Variants in DAPK1 observed in about 807,000 individuals in gnomAD.
The protein encoded by DAPK1 is death-associated protein kinase 1.
Under a neutral mutation model 144.9 loss-of-function variants are expected in DAPK1, and 56 were observed. The ratio of observed to expected loss-of-function variants is 0.39; its 90% CI spans 0.31 to 0.48. DAPK1 has a LOEUF of 0.48. Among genes scored for constraint, DAPK1 ranks in the 20% least tolerant of loss-of-function variants. The probability of loss-of-function intolerance (pLI) is 0.95; values close to 1 mark genes in which losing one functional copy is unlikely to be tolerated. For synonymous variants in DAPK1, 690 were observed against 749.0 expected (o/e 0.92, Z 1.29); for missense variants, 1,454 against 1,875.4 (o/e 0.78, Z 4.15).
chr9:87,522,762 G>C (rs1305291685), intron 2 of DAPK1, among the ~76,000 whole-genome samples: 1 of 152,234 alleles, frequency 6.6e-6, no homozygotes, highest in Non-Finnish European at 1.5e-5. Flanking sequence ...ACAAGAGAAA[G>C]CTGGCTGGCT....
chr9:87,534,076 C>T (rs1241070102), intron 2 of DAPK1, among the ~76,000 whole-genome samples: 1 of 150,340 alleles, frequency 6.7e-6, no homozygotes, highest in African/African-American at 2.5e-5. Context: ...GACTGTGATC[C>T]TGTGGGAATT....
chr9:87,651,456 A>T, intron 16 of DAPK1, 71 bp from the exon 17 acceptor site: 2 of 1,470,322 alleles, frequency 1.4e-6, no homozygotes, highest in Non-Finnish European at 1.9e-6. Flanking sequence ...CGATGGCGGC[A>T]GAAAAGGTGA....
At chr9:87,602,822 C>G (rs545878255) in intron 2 of DAPK1, among the ~76,000 whole-genome samples, 2 of 151,830 alleles carry the variant, frequency 1.3e-5, no homozygotes, top group Non-Finnish European at 2.9e-5. Context: ...TTAGTAGAGA[C>G]GGGGTTTCAC....
At chr9:87,536,781 ATTC>A (rs753618298) in intron 2 of DAPK1, among the ~76,000 whole-genome samples, 1 of 152,152 alleles carries the variant, frequency 6.6e-6, no homozygotes, top group Non-Finnish European at 1.5e-5. Flanking sequence ...AGAATATTTT[ATTC>A]TTATTTAAAT....
chr9:87,697,089 C>A lies in DAPK1; in HGVS notation c.2496C>A (p.Pro832=), dbSNP rs1396224055. ...CCYDYFAAND[P]TSIHVVVFSL... ...ATGACTATTTTGCTGCAAATGATCC[C>A]ACGTCAATCCATGTTGTTGTCTTTA... Residue 832 remains proline, a synonymous_variant, in exon 22 of 26, where the codon CCC becomes CCA. Coordinates refer to ENST00000408954, the MANE Select transcript of DAPK1 (RefSeq NM_004938.4). 3 of 1,556,884 alleles carry A rather than the reference C, an allele frequency of 1.9e-6. No individual in the cohort carries two copies. The highest frequency in any genetic ancestry group is 3.3e-5 in the Admixed American group (2 of 59,916).
At chr9:87,598,968 C>T (rs949496203) in intron 2 of DAPK1, among the ~76,000 whole-genome samples, 42 of 152,184 alleles carry the variant, frequency 2.8e-4, no homozygotes, top group African/African-American at 1.0e-3. Context: ...AATTAGAACA[C>T]CTTGTGAGTC....
At chr9:87,659,583 G>T (rs185761782) in intron 18 of DAPK1, among the ~76,000 whole-genome samples, 48 of 152,316 alleles carry the variant, frequency 3.2e-4, no homozygotes, top group Non-Finnish European at 5.6e-4. Context: ...TGAAATGTGC[G>T]GCCCCCTCTG....
chr9:87,604,785 T>G (rs533399325), intron 2 of DAPK1, among the ~76,000 whole-genome samples, 169 bp from the exon 3 acceptor site: 2 of 152,326 alleles, frequency 1.3e-5, no homozygotes, highest in East Asian at 3.9e-4. Flanking sequence ...AGAAACAGGC[T>G]TAGTGTAAAT....
chr9:87,622,231 G>T (rs1282232718), intron 3 of DAPK1, among the ~76,000 whole-genome samples: 1 of 152,018 alleles, frequency 6.6e-6, no homozygotes, highest in African/African-American at 2.4e-5. Flanking sequence ...AAACAAAAAT[G>T]CAAGCAGAGA....
At chr9:87,602,578 G>T (rs1828562055) in intron 2 of DAPK1, among the ~76,000 whole-genome samples, 2 of 152,000 alleles carry the variant, frequency 1.3e-5, no homozygotes. Context: ...TTGTATCTAG[G>T]CTTGCATTGA....
chr9:87,661,213 C>A (rs572963293), intron 18 of DAPK1, among the ~76,000 whole-genome samples: 2 of 152,208 alleles, frequency 1.3e-5, no homozygotes, highest in African/African-American at 2.4e-5. Flanking sequence ...AGTCCTCTGT[C>A]GGTGGACACT....
chr9:87,623,158 G>A (rs1829364949), intron 3 of DAPK1, among the ~76,000 whole-genome samples: 1 of 152,130 alleles, frequency 6.6e-6, no homozygotes, highest in South Asian at 2.1e-4. Context: ...GAGTAAAGTG[G>A]TCTGGCCCCA....
At position 87,658,091 on chromosome 9, in the gene DAPK1, C is replaced by T; in HGVS notation, c.1887C>T (p.Leu629=). ...NNGILDVVRY[L]CLMGASVEAL... ...GAATCCTAGACGTGGTCCGGTATCT[C>T]TGTCTGATGGGAGCCAGCGTTGAGG... The change falls in exon 18 of 26, where the codon CTC becomes CTT. Residue 629 remains leucine, a synonymous_variant. Coordinates refer to ENST00000408954, the MANE Select transcript of DAPK1 (RefSeq NM_004938.4). 1 of 1,536,000 alleles carries T rather than the reference C, an allele frequency of 6.5e-7. No individual in the cohort carries two copies. The highest frequency in any genetic ancestry group is 1.7e-4 in the Middle Eastern group (1 of 5,936).
intron 21 of DAPK1, among the ~76,000 whole-genome samples, chr9:87,696,091 T>A (rs1484446017): frequency 1.3e-5 from 2 of 152,196 alleles, no homozygotes; most frequent in Non-Finnish European, 2.9e-5. Flanking sequence ...GATCTTTGTT[T>A]TTTCCCCAGG....
At chr9:87,662,849 G>A (rs971290950) in intron 18 of DAPK1, among the ~76,000 whole-genome samples, 2 of 151,830 alleles carry the variant, frequency 1.3e-5, no homozygotes, top group Non-Finnish European at 2.9e-5. Context: ...AGGACTTCCA[G>A]TATTCTTAAA....
At chr9:87,666,190 C>G (rs1831046395) in intron 18 of DAPK1, among the ~76,000 whole-genome samples, 1 of 152,136 alleles carries the variant, frequency 6.6e-6, no homozygotes, top group Admixed American at 6.5e-5. Flanking sequence ...ATTTGGTTTT[C>G]TCTCACCTGC....
At position 87,579,025 on chromosome 9, in the gene DAPK1, C is replaced by G. The variant is rs576701724; in HGVS notation, c.63-25929C>G. ...TTAGGATGACACCCTCATAAAGGCC[C>G]TTAATAAATGCTCTGGGATATTGCA... On this transcript the variant is annotated intron_variant, in intron 2 of 25. Transcript: ENST00000408954. 3.3e-5 allele frequency among the ~76,000 whole-genome samples: 5 copies of G among 152,334 alleles called. 1 individual carries two copies. In the East Asian group the frequency reaches 7.7e-4, roughly 23 times the overall value.
intron 2 of DAPK1, among the ~76,000 whole-genome samples, chr9:87,502,739 A>G (rs1045201843): frequency 2.0e-5 from 3 of 152,194 alleles, no homozygotes; most frequent in African/African-American, 7.2e-5. Flanking sequence ...CTCTTTGTCC[A>G]TGACCATAGA....
intron 2 of DAPK1, among the ~76,000 whole-genome samples, chr9:87,530,639 T>A (rs1435612033): frequency 1.3e-5 from 2 of 152,224 alleles, no homozygotes; most frequent in Non-Finnish European, 2.9e-5. Context: ...AAGTTAGTTC[T>A]TTAAAAAGAG....
Sources: allele counts gnomAD v4.1 joint callset (sites outside exome capture counted in the v4.1 genomes callset), GRCh38; gene constraint gnomAD v4.1.1; transcripts MANE v1.5; gene names NCBI Gene and HGNC (gene_info 2026-07-23, HGNC 2026-07-21).